The following HYCC1 variants were observed in gnomAD, a reference collection of about 807,000 sequenced individuals.
HYCC1 encodes hyccin.
chr7:22,985,955 A>C, the HYCC1 span, among the ~76,000 whole-genome samples: 1 of 150,718 alleles, frequency 6.6e-6, no homozygotes, highest in African/African-American at 2.4e-5. Flanking sequence ...TATATATCTA[A>C]CTATAAAATT....
the HYCC1 span, among the ~76,000 whole-genome samples, chr7:22,987,402 G>T: frequency 1.3e-5 from 2 of 152,158 alleles, no homozygotes; most frequent in East Asian, 3.9e-4. Context: ...ACAAAAATTA[G>T]CTGGGCATGG....
the HYCC1 span, among the ~76,000 whole-genome samples, chr7:22,933,429 A>G: frequency 6.6e-6 from 1 of 152,084 alleles, no homozygotes. Flanking sequence ...TTTATCTCTA[A>G]TAACAATTTT....
chr7:22,921,373 T>A, the HYCC1 span, among the ~76,000 whole-genome samples: 1 of 152,300 alleles, frequency 6.6e-6, no homozygotes, highest in Admixed American at 6.5e-5. Flanking sequence ...ATAAAAAGTA[T>A]CAAGGTAAAG....
the HYCC1 span, among the ~76,000 whole-genome samples, chr7:23,013,748 G>A: frequency 2.6e-5 from 4 of 151,172 alleles, no homozygotes; most frequent in African/African-American, 9.7e-5. Context: ...GCGCCGCCTC[G>A]CACCCACCCA....
the HYCC1 span, among the ~76,000 whole-genome samples, chr7:23,008,040 A>G: frequency 2.0e-5 from 3 of 152,226 alleles, no homozygotes; most frequent in Admixed American, 2.0e-4. Flanking sequence ...GCTATAACTT[A>G]ATATTATTCT....
the HYCC1 span, chr7:22,936,081 T>C: frequency 6.6e-6 from 1 of 151,254 alleles, no homozygotes; most frequent in African/African-American, 2.4e-5. Flanking sequence ...GTAAAATAAG[T>C]TTCTTAGAAG....
the HYCC1 span, among the ~76,000 whole-genome samples, chr7:23,007,489 C>G: frequency 6.6e-6 from 1 of 152,064 alleles, no homozygotes; most frequent in African/African-American, 2.4e-5. Flanking sequence ...ATATTAAGAT[C>G]TTTATAATTG....
At chr7:22,962,007 T>A in the HYCC1 span, among the ~76,000 whole-genome samples, 1 of 152,016 alleles carries the variant, frequency 6.6e-6, no homozygotes, top group African/African-American at 2.4e-5. Flanking sequence ...ATAAATTACA[T>A]CAAGAGTGCA....
the HYCC1 span, among the ~76,000 whole-genome samples, chr7:22,995,785 T>A: frequency 6.6e-6 from 1 of 152,088 alleles, no homozygotes; most frequent in Non-Finnish European, 1.5e-5. Flanking sequence ...GAGAGTGCAC[T>A]GGACATAGCT....
the HYCC1 span, among the ~76,000 whole-genome samples, chr7:22,904,930 C>T: frequency 2.0e-5 from 3 of 150,716 alleles, no homozygotes; most frequent in Non-Finnish European, 4.4e-5. Context: ...GCAGGCTATA[C>T]AGGAAGCATG....
At chr7:22,926,481 G>C in the HYCC1 span, among the ~76,000 whole-genome samples, 4 of 152,134 alleles carry the variant, frequency 2.6e-5, no homozygotes, top group Non-Finnish European at 5.9e-5. Context: ...TAAAGGGATG[G>C]AGGAAGATCT....
At chr7:22,967,943 C>A in the HYCC1 span, among the ~76,000 whole-genome samples, 1 of 152,146 alleles carries the variant, frequency 6.6e-6, no homozygotes, top group African/African-American at 2.4e-5. Flanking sequence ...TCCCTATCTT[C>A]TATTAAAAGC....
chr7:23,012,851 A>G, the HYCC1 span, among the ~76,000 whole-genome samples: 1 of 152,190 alleles, frequency 6.6e-6, no homozygotes, highest in Non-Finnish European at 1.5e-5. Flanking sequence ...TACATGAACC[A>G]AAGAGGTGGC....
At chr7:22,952,063 A>C in the HYCC1 span, among the ~76,000 whole-genome samples, 1 of 151,966 alleles carries the variant, frequency 6.6e-6, no homozygotes, top group African/African-American at 2.4e-5. Flanking sequence ...CATGCATTCA[A>C]CTGAAATTTG....
chr7:22,978,310 T>C, the HYCC1 span: 2 of 1,614,100 alleles, frequency 1.2e-6, no homozygotes, highest in Non-Finnish European at 1.7e-6. Flanking sequence ...ATGCATCCAC[T>C]GCTATGCACA....
the HYCC1 span, among the ~76,000 whole-genome samples, chr7:22,982,144 A>G: frequency 7.2e-5 from 11 of 152,338 alleles, no homozygotes; most frequent in South Asian, 2.3e-3. Context: ...TACTTACCCT[A>G]TTTGGTGAAA....
chr7:22,945,336 C>CAAT, the HYCC1 span: 1 of 529,736 alleles, frequency 1.9e-6, no homozygotes. Context: ...CTTAGGGCAA[C>CAAT]AATAACAAAT....
chr7:22,922,038 T>A, the HYCC1 span, among the ~76,000 whole-genome samples: 1 of 151,960 alleles, frequency 6.6e-6, no homozygotes, highest in Non-Finnish European at 1.5e-5. Flanking sequence ...ATTCATTTAA[T>A]GCAAAAGAAA....
the HYCC1 span, among the ~76,000 whole-genome samples, chr7:22,932,330 G>C: frequency 6.6e-6 from 1 of 152,278 alleles, no homozygotes; most frequent in East Asian, 1.9e-4. Flanking sequence ...ACTGAGCCAT[G>C]GATGCAGTAG....
Sources: allele counts gnomAD v4.1 joint callset (sites outside exome capture counted in the v4.1 genomes callset), GRCh38; gene constraint gnomAD v4.1.1; transcripts MANE v1.5; gene names NCBI Gene and HGNC (gene_info 2026-07-23, HGNC 2026-07-21).